CCER1: variants seen among roughly 807,000 people sequenced by gnomAD.
CCER1 encodes the protein coiled-coil glutamate rich protein 1.
For missense variants in CCER1, 573 were observed against 524.5 expected (o/e 1.09, Z -0.90); for synonymous variants, 246 against 213.8 (o/e 1.15, Z -1.31).
In CCER1 at chr12:90,953,443, T is replaced by A; in HGVS notation, c.*79A>T. 6.8e-7 allele frequency: 1 copy of A among 1,477,374 alleles called. No homozygotes were observed. The highest frequency in any genetic ancestry group is 1.4e-5 in the South Asian group (1 of 71,014). 91.5% of individuals were successfully genotyped at this position (1,477,374 alleles called of 1,614,324 possible). A position where few individuals can be genotyped will look rare whatever the true frequency, so the allele number is the denominator to read the frequency against. On this transcript the variant is annotated 3_prime_UTR_variant, in exon 1 of 1. Transcript: ENST00000358859. ...CTGTTTATTAATGGAACTCACTTTT[T>A]AATCAGTTTTTAATAAATTGCTAAT... is the stretch of plus-strand genomic sequence containing the variant.
In CCER1 at chr12:90,953,863, C is replaced by A. The variant is rs982551412; in HGVS notation, c.880G>T (p.Val294Leu). The change falls in exon 1 of 1, where the codon GTG becomes TTG. Residue 294 changes from valine (V) to leucine (L), a missense_variant. Val to Leu is a conservative substitution (Grantham distance 32). Coordinates refer to ENST00000358859, the MANE Select transcript of CCER1 (RefSeq NM_152638.4). ...NDDEEEYDQE[V>L]CDAKEASEEE... Reference sequence around the variant, plus strand: ...TCGCTCGCCTCCTTTGCATCACACACCTCCTGGTCATACTCCTCCTCATCA... The same window carrying A: ...TCGCTCGCCTCCTTTGCATCACACAACTCCTGGTCATACTCCTCCTCATCA... 2 of 1,609,868 alleles carry A rather than the reference C, an allele frequency of 1.2e-6. No homozygotes were observed. The highest frequency in any genetic ancestry group is 1.7e-5 in the Admixed American group (1 of 60,012).
chr12:90,954,930 T>C lies in CCER1; in HGVS notation c.-188A>G. The C allele has an allele frequency of 8.6e-7, 1 of 1,157,868 alleles. No individual in the cohort carries two copies. Among genetic ancestry groups the C allele is most frequent in the Non-Finnish European group, 1.2e-6 (1 of 835,616 alleles). The allele number at this position is 1,157,868 out of a possible 1,614,324, so 71.7% of individuals were successfully genotyped here. ...TCTTCCTGGTTTGCACGCTCTTCGG[T>C]AGTAATCGCTTGTCCTTCGCACCTG... On this transcript the variant is annotated 5_prime_UTR_variant, in exon 1 of 1. Coordinates refer to ENST00000358859, the MANE Select transcript of CCER1 (RefSeq NM_152638.4).
chr12:90,953,819 T>C lies in CCER1; in HGVS notation c.924A>G (p.Glu308=). ...KEASEEEEEV[E]DEEEEVEDEE... ...CATCTTCGACCTCTTCCTCCTCATC[T>C]TCGACCTCTTCTTCCTCCTCGCTCG... The change falls in exon 1 of 1, where the codon GAA becomes GAG. Residue 308 remains glutamate (E), a synonymous_variant. Coordinates refer to ENST00000358859, the MANE Select transcript of CCER1 (RefSeq NM_152638.4). The C allele has an allele frequency of 6.5e-7, 1 of 1,545,578 alleles. No individual in the cohort carries two copies. The highest frequency in any genetic ancestry group is 8.9e-7 in the Non-Finnish European group (1 of 1,118,810).
At position 90,954,356 on chromosome 12, in the gene CCER1, C is replaced by G; in HGVS notation, c.387G>C (p.Trp129Cys). ...FCCCSCWSGS[W>C]NPGWVKPPGR... ...CTGGGGGCTTCACCCAGCCAGGGTT[C>G]CAGGACCCGCTCCAGCAGGAGCAGC... Residue 129 changes from tryptophan (W) to cysteine (C), a missense_variant, in exon 1 of 1, where the codon TGG becomes TGC. Transcript: ENST00000358859. The G allele has an allele frequency of 6.2e-7, 1 of 1,609,734 alleles. No individual in the cohort carries two copies. Among genetic ancestry groups the G allele is most frequent in the Admixed American group, 1.7e-5 (1 of 59,992 alleles).
rs1408229377 is a variant in CCER1 at position 90,953,295 on chromosome 12, T to C, written c.*227A>G. ...ATTCAAATGGTAGTAATAAAATACTTGGCCTTTAATCAGTTCCAGTAAAAT... is the reference window on the plus strand; with the variant it reads ...ATTCAAATGGTAGTAATAAAATACTCGGCCTTTAATCAGTTCCAGTAAAAT... On this transcript the variant is annotated 3_prime_UTR_variant, in exon 1 of 1. Transcript: ENST00000358859. 3 of 417,462 alleles carry C rather than the reference T, an allele frequency of 7.2e-6. No homozygotes were observed. Among genetic ancestry groups the C allele is most frequent in the Non-Finnish European group, 1.3e-5 (3 of 239,618 alleles). The allele number at this position is 417,462 out of a possible 1,614,324, so 25.9% of individuals were successfully genotyped here.
rs1053636588 is a variant in CCER1, at chr12:90,954,509, T to C, written c.234A>G (p.Gln78=). 2 of 1,611,246 alleles carry C rather than the reference T, an allele frequency of 1.2e-6. No homozygotes were observed. Among genetic ancestry groups the C allele is most frequent in the Non-Finnish European group, 1.7e-6 (2 of 1,177,946 alleles). The change falls in exon 1 of 1, where the codon CAA becomes CAG. Residue 78 remains glutamine (Q), a synonymous_variant. Transcript: ENST00000358859. ...KQQHGPGFWF[Q]PPVCSNWGCW... Reference sequence around the variant, plus strand: ...ACCCCCAGTTAGAGCACACGGGTGGTTGGAACCAAAAGCCCGGGCCGTGCT... The same window carrying C: ...ACCCCCAGTTAGAGCACACGGGTGGCTGGAACCAAAAGCCCGGGCCGTGCT...
Position 90,953,293 on chromosome 12 carries a change from C to T in CCER1, c.*229G>A, listed in dbSNP as rs992205759. 7 of 415,272 alleles carry T rather than the reference C, an allele frequency of 1.7e-5. No individual in the cohort carries two copies. In the East Asian group the frequency reaches 2.5e-4, roughly 15 times the overall value. 25.7% of individuals were successfully genotyped at this position (415,272 alleles called of 1,614,324 possible). On this transcript the variant is annotated 3_prime_UTR_variant, in exon 1 of 1. Coordinates refer to ENST00000358859, the MANE Select transcript of CCER1 (RefSeq NM_152638.4). ...ATATTCAAATGGTAGTAATAAAATA[C>T]TTGGCCTTTAATCAGTTCCAGTAAA...
chr12:90,953,637 A>C lies in CCER1; in HGVS notation c.1106T>G (p.Val369Gly). The C allele has an allele frequency of 6.2e-7, 1 of 1,614,130 alleles. No individual in the cohort carries two copies. The highest frequency in any genetic ancestry group is 2.2e-5 in the East Asian group (1 of 44,856). ...LPLEMPLSIF[V>G]EAEEKRENFI... is the part of the protein sequence containing the mutation. ...GTTCTCTCTCTTTTCTTCAGCCTCT[A>C]CGAAGATTGATAAAGGCATTTCCAG... is the stretch of plus-strand genomic sequence containing the variant. The change falls in exon 1 of 1, where the codon GTA (valine) becomes GGA (glycine). Residue 369 changes from valine to glycine, a missense_variant. Physicochemically the swap from Val to Gly is moderately radical, Grantham distance 109. Coordinates refer to ENST00000358859, the MANE Select transcript of CCER1 (RefSeq NM_152638.4).
Position 90,954,383 on chromosome 12 carries a change from G to A in CCER1, c.360C>T (p.Cys120=), listed in dbSNP as rs1162607597. ...AGGACCCGCTCCAGCAGGAGCAGCA[G>A]CAAAAGCAGAGAGGGTGCAGGCCAT... ...RVYGLHPLCF[C]CCSCWSGSWN... Residue 120 remains cysteine, a synonymous_variant, in exon 1 of 1, where the codon TGC becomes TGT. Transcript: ENST00000358859. The A allele has an allele frequency of 1.2e-6, 2 of 1,611,758 alleles. No individual in the cohort carries two copies. Among genetic ancestry groups the A allele is most frequent in the East Asian group, 2.2e-5 (1 of 44,848 alleles).
At position 90,954,280 on chromosome 12, in the gene CCER1, G is replaced by A. The variant is rs201558156; in HGVS notation, c.463C>T (p.Arg155Cys). The A allele has an allele frequency of 5.9e-5, 94 of 1,601,290 alleles. No individual in the cohort carries two copies. The East Asian group carries it at 1.8e-3, about 30-fold the overall frequency. Residue 155 changes from arginine to cysteine, a missense_variant, in exon 1 of 1, where the codon CGC becomes TGC. Physicochemically the swap from Arg to Cys is radical, Grantham distance 180. Coordinates refer to ENST00000358859, the MANE Select transcript of CCER1 (RefSeq NM_152638.4). ...RRGRGLRHHP[R>C]HSYPRSPPAD... ...GGCGGGCTCCGCGGGTAGGAGTGGC[G>A]AGGGTGGTGGCGCAGGCCGCGGCCT...
rs764977047 is a variant in CCER1, at chr12:90,954,607, G to C, written c.136C>G (p.Pro46Ala). The C allele has an allele frequency of 5.0e-6, 8 of 1,613,720 alleles. No homozygotes were observed. In the East Asian group the frequency reaches 1.8e-4, roughly 36 times the overall value. Residue 46 changes from proline to alanine, a missense_variant, in exon 1 of 1, where the codon CCA (proline) becomes GCA (alanine). Physicochemically the swap from Pro to Ala is conservative, Grantham distance 27. Coordinates refer to ENST00000358859, the MANE Select transcript of CCER1 (RefSeq NM_152638.4). ...TATCGGTGCGGTCTATTGTACGCTG[G>C]AGCACCCGGGCGCCTTCGATGGCAG... ...SSCHRRRPGAPAYNRPHRYSP... is the reference protein window; with the variant it reads ...SSCHRRRPGAAAYNRPHRYSP...
Position 90,953,416 on chromosome 12 carries a change from A to G in CCER1, c.*106T>C, listed in dbSNP as rs931136418. The G allele has an allele frequency of 1.1e-5, 15 of 1,328,666 alleles. No individual in the cohort carries two copies. In the Middle Eastern group the frequency reaches 5.7e-4, roughly 51 times the overall value. 82.3% of individuals were successfully genotyped at this position (1,328,666 alleles called of 1,614,324 possible). ...ATGGCCAAAGAAGGTGTTTACATAG[A>G]TCTGTTTATTAATGGAACTCACTTT... On this transcript the variant is annotated 3_prime_UTR_variant, in exon 1 of 1. Transcript: ENST00000358859.
rs577499112 is a variant in CCER1 at position 90,954,151 on chromosome 12, A to T, written c.592T>A (p.Tyr198Asn). 6.2e-6 allele frequency: 10 copies of T among 1,611,546 alleles called. No individual in the cohort carries two copies. The East Asian group carries it at 2.2e-4, about 36-fold the overall frequency. Residue 198 changes from tyrosine to asparagine, a missense_variant, in exon 1 of 1, where the codon TAC becomes AAC. Coordinates refer to ENST00000358859, the MANE Select transcript of CCER1 (RefSeq NM_152638.4). ...TTCTCCTGCTGCCTCATGTCCTCGT[A>T]GATCTGGTTCATGATGAATTGGGTG... ...NTTQFIMNQI[Y>N]EDMRQQEKVE... is the part of the protein sequence containing the mutation.
chr12:90,954,963 T>C lies in CCER1; in HGVS notation c.-221A>G. On this transcript the variant is annotated 5_prime_UTR_variant, in exon 1 of 1. Transcript: ENST00000358859. ...GCTTGTCCTTCGCACCTGGGTTGTC[T>C]CGCCCAGGTGTGCTGGGTGGGACTG... is the stretch of plus-strand genomic sequence containing the variant. 1 of 857,374 alleles carries C rather than the reference T, an allele frequency of 1.2e-6. No homozygotes were observed. Among genetic ancestry groups the C allele is most frequent in the Non-Finnish European group, 1.8e-6 (1 of 565,664 alleles). 53.1% of individuals were successfully genotyped at this position (857,374 alleles called of 1,614,324 possible). A position where few individuals can be genotyped will look rare whatever the true frequency, so the allele number is the denominator to read the frequency against.
At position 90,953,194 on chromosome 12, in the gene CCER1, C is replaced by T. The variant is rs572544710; in HGVS notation, c.*328G>A. On this transcript the variant is annotated 3_prime_UTR_variant, in exon 1 of 1. Coordinates refer to ENST00000358859, the MANE Select transcript of CCER1 (RefSeq NM_152638.4). ...TGTATAAATTTGTTTCAAAAACAAA[C>T]GCTTTTTCAGCATTGCCAGATTTAA... The T allele has an allele frequency of 1.2e-5, 3 of 240,140 alleles. No homozygotes were observed. The highest frequency in any genetic ancestry group is 4.5e-5 in the African/African-American group (2 of 44,584). 14.9% of individuals were successfully genotyped at this position (240,140 alleles called of 1,614,324 possible). A position where few individuals can be genotyped will look rare whatever the true frequency, so the allele number is the denominator to read the frequency against.
rs1565866329 is a variant in CCER1, at chr12:90,953,993, C to G, written c.750G>C (p.Leu250=). 3 of 1,614,216 alleles carry G rather than the reference C, an allele frequency of 1.9e-6. No individual in the cohort carries two copies. The highest frequency in any genetic ancestry group is 2.2e-5 in the East Asian group (1 of 44,872). ...GAGAGGGATTCTGCACAAAGCCATA[C>G]AGAGTTTCCTGCAGTCCCCAGGTTT... The part of the protein sequence containing the change: ...SKETWGLQET[L]YGFVQNPSLA... The change falls in exon 1 of 1, where the codon CTG becomes CTC. Residue 250 remains leucine (L), a synonymous_variant. Transcript: ENST00000358859.
chr12:90,953,788 C>T lies in CCER1; in HGVS notation c.955G>A (p.Glu319Lys). The T allele has an allele frequency of 6.7e-7, 1 of 1,499,284 alleles. No homozygotes were observed. The highest frequency in any genetic ancestry group is 9.2e-7 in the Non-Finnish European group (1 of 1,084,280). 92.9% of individuals were successfully genotyped at this position (1,499,284 alleles called of 1,614,324 possible). A position where few individuals can be genotyped will look rare whatever the true frequency, so the allele number is the denominator to read the frequency against. The change falls in exon 1 of 1, where the codon GAA becomes AAA. Residue 319 changes from glutamate to lysine, a missense_variant. Transcript: ENST00000358859. ...TATTCAGCCTCTTCGACCTCTTCTT[C>T]CTCCTCATCTTCGACCTCTTCCTCC... ...DEEEEVEDEE[E>K]EEVEEAEYVE...
chr12:90,954,991 G>A lies in CCER1; in HGVS notation c.-249C>T, dbSNP rs1343214524. Reference sequence around the variant, plus strand: ...CCCAGGTGTGCTGGGTGGGACTGGGGCTGGGTAAGGATGGTGGGGGAGGAA... The same window carrying A: ...CCCAGGTGTGCTGGGTGGGACTGGGACTGGGTAAGGATGGTGGGGGAGGAA... On this transcript the variant is annotated 5_prime_UTR_variant, in exon 1 of 1. Coordinates refer to ENST00000358859, the MANE Select transcript of CCER1 (RefSeq NM_152638.4). The A allele has an allele frequency of 6.0e-6, 4 of 668,938 alleles. No homozygotes were observed. The highest frequency in any genetic ancestry group is 1.0e-5 in the Non-Finnish European group (4 of 401,150). 41.4% of individuals were successfully genotyped at this position (668,938 alleles called of 1,614,324 possible).
Position 90,954,263 on chromosome 12 carries a change from C to T in CCER1, c.480G>A (p.Arg160=), listed in dbSNP as rs753914225. The T allele has an allele frequency of 1.9e-6, 3 of 1,603,388 alleles. No individual in the cohort carries two copies. Among genetic ancestry groups the T allele is most frequent in the Non-Finnish European group, 2.5e-6 (3 of 1,178,886 alleles). Residue 160 remains arginine, a synonymous_variant, in exon 1 of 1, where the codon CGG becomes CGA. Transcript: ENST00000358859. ...LRHHPRHSYP[R]SPPADVSTLP... ...GCGTGCTCACATCCGCTGGCGGGCT[C>T]CGCGGGTAGGAGTGGCGAGGGTGGT... is the stretch of plus-strand genomic sequence containing the variant.
Sources: gnomAD v4.1 joint callset for allele counts on GRCh38, gnomAD v4.1.1 for gene constraint, MANE v1.5 for transcripts, NCBI Gene and HGNC (gene_info 2026-07-23, HGNC 2026-07-21) for gene names.